The following MVB12B variants were observed in gnomAD, a reference collection of about 807,000 sequenced individuals.
MVB12B encodes ESCRT-I complex subunit MVB12B.
MVB12B carries 16 observed loss-of-function variants against 41.6 expected under a neutral mutation model. The ratio of observed to expected loss-of-function variants is 0.38; its 90% CI spans 0.26 to 0.58. The LOEUF (loss-of-function observed/expected upper bound fraction) is 0.58, where lower values mean the gene tolerates loss of function less well. Ranked by LOEUF, MVB12B falls within the 20% of genes least tolerant of loss-of-function variation. MVB12B has a pLI of 0.62. For missense variants in MVB12B, 274 were observed against 380.2 expected (o/e 0.72, Z 2.32); for synonymous variants, 133 against 139.7 (o/e 0.95, Z 0.34).
chr9:126,403,254 C>T (rs1287126184), intron 6 of MVB12B, among the ~76,000 whole-genome samples: 4 of 152,210 alleles, frequency 2.6e-5, no homozygotes, highest in African/African-American at 7.2e-5. Flanking sequence ...CTCTTGGCTC[C>T]GGGGCACACC....
At chr9:126,464,917 A>G (rs1029452739) in intron 7 of MVB12B, among the ~76,000 whole-genome samples, 11 of 152,064 alleles carry the variant, frequency 7.2e-5, no homozygotes, top group Non-Finnish European at 1.3e-4. Flanking sequence ...ATACGAGAAC[A>G]CCTGTTACTC....
chr9:126,411,726 A>G (rs1336186393), intron 6 of MVB12B, among the ~76,000 whole-genome samples: 1 of 149,642 alleles, frequency 6.7e-6, no homozygotes, highest in Non-Finnish European at 1.5e-5. Context: ...TGGCTCCAAA[A>G]TCAATATGAA....
intron 7 of MVB12B, among the ~76,000 whole-genome samples, chr9:126,454,927 C>G (rs1832951660): frequency 6.6e-6 from 1 of 152,124 alleles, no homozygotes; most frequent in Non-Finnish European, 1.5e-5. Flanking sequence ...CTGGGCAGCC[C>G]TTTCTTCCCT....
chr9:126,384,946 C>G (rs1830737918), intron 3 of MVB12B, among the ~76,000 whole-genome samples: 1 of 151,590 alleles, frequency 6.6e-6, no homozygotes, highest in Non-Finnish European at 1.5e-5. Flanking sequence ...CAACAATCCT[C>G]CTACTTCAGC....
chr9:126,351,018 C>CATAGTATGG (rs144596321), intron 2 of MVB12B, among the ~76,000 whole-genome samples: 11,572 of 152,214 alleles, frequency 0.076, 570 homozygotes, highest in Middle Eastern at 0.16. Context: ...AATTCATGAA[C>CATAGTATGG]ATAGTATGTC....
At chr9:126,402,069 C>T (rs1831283635) in intron 6 of MVB12B, among the ~76,000 whole-genome samples, 1 of 152,134 alleles carries the variant, frequency 6.6e-6, no homozygotes. Context: ...TGGCAAAAGG[C>T]TTGGTGCTGG....
At chr9:126,373,901 G>A (rs758111366) in intron 2 of MVB12B, among the ~76,000 whole-genome samples, 4 of 152,204 alleles carry the variant, frequency 2.6e-5, no homozygotes, top group Non-Finnish European at 5.9e-5. Flanking sequence ...TCTCAACTGT[G>A]CAGAGCCAAA....
chr9:126,395,461 T>A lies in MVB12B; in HGVS notation c.540-114T>A, dbSNP rs566873780. On this transcript the variant is annotated intron_variant, in intron 5 of 9. Coordinates refer to ENST00000361171, the MANE Select transcript of MVB12B (RefSeq NM_033446.3). The surrounding 1 kb of genome is among the most constrained non-coding windows in gnomAD (Gnocchi z 4.9). ...ACCCATTTCACGTGGAGGGCAAGAA[T>A]TGATTCCCTGGTGTTTGAGGCCATG... is the stretch of plus-strand genomic sequence containing the variant. 57 of 1,291,184 alleles carry A rather than the reference T, an allele frequency of 4.4e-5. No individual in the cohort carries two copies. The highest frequency in any genetic ancestry group is 5.4e-5 in the Non-Finnish European group (50 of 918,154). 80.0% of individuals were successfully genotyped at this position (1,291,184 alleles called of 1,614,324 possible).
intron 6 of MVB12B, among the ~76,000 whole-genome samples, chr9:126,411,887 T>C (rs1831661947): frequency 6.6e-6 from 1 of 152,214 alleles, no homozygotes; most frequent in Admixed American, 6.5e-5. Flanking sequence ...AGAGCCTCAC[T>C]TGGGAAACAC....
chr9:126,410,172 T>TGC (rs1491309178), intron 6 of MVB12B, among the ~76,000 whole-genome samples: 10 of 127,564 alleles, frequency 7.8e-5, no homozygotes, highest in Admixed American at 3.2e-4. Context: ...TGTGTGTGTG[T>TGC]GCACGCATGC....
intron 2 of MVB12B, among the ~76,000 whole-genome samples, chr9:126,371,438 C>T (rs1830336567): frequency 6.6e-6 from 1 of 152,248 alleles, no homozygotes; most frequent in Admixed American, 6.5e-5. Flanking sequence ...CTTCGGCCAT[C>T]AGGAGGTGCA....
chr9:126,328,602 T>C (rs1473033285), intron 1 of MVB12B, among the ~76,000 whole-genome samples: 3 of 152,180 alleles, frequency 2.0e-5, no homozygotes, highest in Non-Finnish European at 4.4e-5. Context: ...AATGATAGTA[T>C]TCATCTCATG....
intron 7 of MVB12B, among the ~76,000 whole-genome samples, chr9:126,443,650 G>T (rs576916374): frequency 2.4e-4 from 36 of 152,260 alleles, no homozygotes; most frequent in South Asian, 6.2e-4. Context: ...CTTTTTCTAT[G>T]CCATATGTTT....
chr9:126,403,211 C>T (rs142808756), intron 6 of MVB12B, among the ~76,000 whole-genome samples: 2 of 152,232 alleles, frequency 1.3e-5, no homozygotes, highest in African/African-American at 2.4e-5. Context: ...GACCGCCCCC[C>T]ACACATCCTC....
At chr9:126,493,264 A>G (rs1013923392) in intron 9 of MVB12B, among the ~76,000 whole-genome samples, 1 of 152,160 alleles carries the variant, frequency 6.6e-6, no homozygotes, top group Non-Finnish European at 1.5e-5. Flanking sequence ...TAAGAACTAC[A>G]GACAGCTTTA....
At chr9:126,433,365 G>GATACACCAGGTATCC (rs1832381320) in intron 7 of MVB12B, among the ~76,000 whole-genome samples, 1 of 145,786 alleles carries the variant, frequency 6.9e-6, no homozygotes, top group African/African-American at 2.8e-5. Flanking sequence ...AAGAACCTCT[G>GATACACCAGGTATCC]CCTTCATAGT....
intron 2 of MVB12B, among the ~76,000 whole-genome samples, chr9:126,369,495 C>G (rs769869254): frequency 6.6e-6 from 1 of 152,166 alleles, no homozygotes; most frequent in Non-Finnish European, 1.5e-5. Flanking sequence ...CCATGCAACC[C>G]CCAGGCCCAT....
At chr9:126,384,900 G>C (rs1830735766) in intron 3 of MVB12B, among the ~76,000 whole-genome samples, 1 of 143,732 alleles carries the variant, frequency 7.0e-6, no homozygotes, top group African/African-American at 2.6e-5. Flanking sequence ...ACAGAGGCAT[G>C]ATCTTGGCTT....
At chr9:126,463,899 A>G (rs1703325515) in intron 7 of MVB12B, among the ~76,000 whole-genome samples, 2 of 152,108 alleles carry the variant, frequency 1.3e-5, no homozygotes, top group Admixed American at 6.5e-5. Flanking sequence ...TTTGTGCAGT[A>G]CTCAAGCCTA....
Sources: gnomAD v4.1 joint callset for allele counts (sites outside exome capture counted in the v4.1 genomes callset) on GRCh38, gnomAD v4.1.1 for gene constraint, Gnocchi (gnomAD v3.1) non-coding constraint, MANE v1.5 for transcripts, NCBI Gene and HGNC (gene_info 2026-07-23, HGNC 2026-07-21) for gene names.